YAP1: variants seen among roughly 807,000 people sequenced by gnomAD.
YAP1 encodes the protein Yes1 associated transcriptional regulator.
A neutral mutation model predicts 56.9 loss-of-function variants in YAP1; 5 were observed. That is an observed-to-expected ratio of 0.09 (90% CI 0.05 to 0.18). YAP1 has a LOEUF of 0.18. YAP1 is among the 10% of genes least tolerant of loss of function. The probability of loss-of-function intolerance (pLI) is 1.00; values close to 1 mark genes in which losing one functional copy is unlikely to be tolerated. For missense variants in YAP1, 539 were observed against 651.8 expected (o/e 0.83, Z 1.88); for synonymous variants, 265 against 248.1 (o/e 1.07, Z -0.64).
chr11:102,185,056 T>G (rs1361605017), intron 3 of YAP1, among the ~76,000 whole-genome samples: 1 of 152,224 alleles, frequency 6.6e-6, no homozygotes, highest in African/African-American at 2.4e-5. Flanking sequence ...TCAATTCATG[T>G]TAGTCCACAG....
At chr11:102,214,907 C>G (rs981335108) in intron 6 of YAP1, among the ~76,000 whole-genome samples, 1 of 152,166 alleles carries the variant, frequency 6.6e-6, no homozygotes, top group Admixed American at 6.5e-5. Context: ...GGAACACCAA[C>G]CTGCCATCCT....
chr11:102,159,194 T>C (rs1286947932), intron 2 of YAP1, among the ~76,000 whole-genome samples: 3 of 152,102 alleles, frequency 2.0e-5, no homozygotes, highest in African/African-American at 7.2e-5. Context: ...TGTTTGTTTG[T>C]GTTTGTTTTT....
chr11:102,189,971 A>C (rs1242125193), intron 4 of YAP1, among the ~76,000 whole-genome samples: 2 of 152,224 alleles, frequency 1.3e-5, no homozygotes, highest in Non-Finnish European at 2.9e-5. Flanking sequence ...CCTTTTGATG[A>C]AAATGCACCT....
At chr11:102,225,021 T>C (rs747667654) in intron 7 of YAP1, among the ~76,000 whole-genome samples, 2 of 152,194 alleles carry the variant, frequency 1.3e-5, no homozygotes, top group Non-Finnish European at 2.9e-5. Context: ...CTTAAAACTT[T>C]TGATGAGAGC....
intron 6 of YAP1, among the ~76,000 whole-genome samples, chr11:102,223,346 A>C (rs1236763849): frequency 1.3e-5 from 2 of 151,802 alleles, no homozygotes; most frequent in Non-Finnish European, 2.9e-5. Context: ...TATCTTCCAG[A>C]GTAAGGAAAA....
intron 2 of YAP1, among the ~76,000 whole-genome samples, chr11:102,150,170 G>T (rs376835624): frequency 6.6e-6 from 1 of 151,746 alleles, no homozygotes; most frequent in East Asian, 1.9e-4. Context: ...TTTTACTAGA[G>T]ACGAGGTTTC....
chr11:102,212,856 C>T (rs993495223), intron 6 of YAP1, among the ~76,000 whole-genome samples: 2 of 152,196 alleles, frequency 1.3e-5, no homozygotes, highest in Admixed American at 6.5e-5. Context: ...TCTGGGATTA[C>T]AGGCATGAGC....
chr11:102,223,548 G>A (rs1280390489), intron 6 of YAP1, 74 bp from the exon 7 acceptor site: 9 of 1,517,776 alleles, frequency 5.9e-6, no homozygotes, highest in East Asian at 4.6e-5. Flanking sequence ...TCTGATGAAC[G>A]TTTTATTTCT....
At chr11:102,172,526 A>G (rs1346645154) in intron 3 of YAP1, among the ~76,000 whole-genome samples, 1 of 132,998 alleles carries the variant, frequency 7.5e-6, no homozygotes, top group Non-Finnish European at 1.6e-5. Flanking sequence ...ATGGTAGTGT[A>G]TGCCTATAGT....
intron 2 of YAP1, among the ~76,000 whole-genome samples, chr11:102,117,251 T>C (rs1276417217): frequency 6.6e-6 from 1 of 152,364 alleles, no homozygotes; most frequent in Admixed American, 6.5e-5. Context: ...TTATATACTT[T>C]CCTCTTGTAT....
intron 4 of YAP1, among the ~76,000 whole-genome samples, chr11:102,196,064 A>T (rs1422085831): frequency 1.3e-5 from 2 of 152,340 alleles, no homozygotes; most frequent in East Asian, 3.9e-4. Flanking sequence ...ATGTGGAGAA[A>T]TTGGAATCCT....
At chr11:102,142,122 TAGG>T (rs914788309) in intron 2 of YAP1, among the ~76,000 whole-genome samples, 11 of 152,152 alleles carry the variant, frequency 7.2e-5, no homozygotes, top group Admixed American at 6.6e-5. Flanking sequence ...ATGTTGGCAA[TAGG>T]AGGAGTATTT....
At chr11:102,145,842 C>A (rs1030912225) in intron 2 of YAP1, among the ~76,000 whole-genome samples, 6 of 152,184 alleles carry the variant, frequency 3.9e-5, no homozygotes, top group African/African-American at 1.4e-4. Flanking sequence ...CTCCTTTGCT[C>A]ACTCATTTTG....
At chr11:102,111,257 CAGGGG>C (rs1942883334) in intron 1 of YAP1, 88 bp downstream of exon 1, 3 of 1,518,488 alleles carry the variant, frequency 2.0e-6, no homozygotes, top group Non-Finnish European at 2.7e-6. Context: ...CAGCTCTGGT[CAGGGG>C]AGGGGGGTTG....
intron 1 of YAP1, 90 bp downstream of exon 1, chr11:102,111,259 G>C: frequency 6.7e-7 from 1 of 1,499,052 alleles, no homozygotes; most frequent in Non-Finnish European, 9.0e-7. Context: ...GCTCTGGTCA[G>C]GGGAGGGGGG....
At chr11:102,186,465 C>T in intron 4 of YAP1, 1 of 303,320 alleles carries the variant, frequency 3.3e-6, no homozygotes, top group South Asian at 2.9e-5. Context: ...AATAATCAGG[C>T]TGTCATGCAA....
intron 2 of YAP1, among the ~76,000 whole-genome samples, chr11:102,122,994 C>T (rs1335916334): frequency 6.6e-6 from 1 of 151,712 alleles, no homozygotes; most frequent in African/African-American, 2.4e-5. Context: ...GCACTTTCCA[C>T]TCCTTCTAGG....
chr11:102,204,810 A>G (rs1949040691), intron 4 of YAP1, among the ~76,000 whole-genome samples: 2 of 152,148 alleles, frequency 1.3e-5, no homozygotes, highest in Middle Eastern at 3.2e-3. Context: ...TGCTGGCCTT[A>G]TAAGTGTTGG....
At chr11:102,112,183 A>C (rs1201005022) in intron 1 of YAP1, among the ~76,000 whole-genome samples, 2 of 152,240 alleles carry the variant, frequency 1.3e-5, no homozygotes, top group Non-Finnish European at 2.9e-5. Flanking sequence ...TGCCTAGTTC[A>C]ACTGTGATTA....
Sources: gnomAD v4.1 joint callset for allele counts (sites outside exome capture counted in the v4.1 genomes callset) on GRCh38, gnomAD v4.1.1 for gene constraint, MANE v1.5 for transcripts, NCBI Gene and HGNC (gene_info 2026-07-23, HGNC 2026-07-21) for gene names.